AGBL1: variants seen among roughly 807,000 people sequenced by gnomAD.
AGBL1 encodes AGBL carboxypeptidase 1.
In AGBL1, 130 loss-of-function variants were observed where a neutral mutation model predicts 118.9. The ratio of observed to expected loss-of-function variants is 1.09; its 90% CI spans 0.95 to 1.26. AGBL1 has a LOEUF of 1.26. AGBL1 is among the 50% of genes most tolerant of loss of function. AGBL1 has a pLI of 0.00. For missense variants in AGBL1, 1,584 were observed against 1,298.1 expected (o/e 1.22, Z -3.38); for synonymous variants, 555 against 478.9 (o/e 1.16, Z -2.08).
At chr15:86,812,320 C>T (rs1175962693) in intron 22 of AGBL1, among the ~76,000 whole-genome samples, 1 of 152,114 alleles carries the variant, frequency 6.6e-6, no homozygotes, top group Non-Finnish European at 1.5e-5. Context: ...TAGAATGATT[C>T]AGTCAAGCTA....
At chr15:86,401,002 G>A (rs1220143287) in intron 18 of AGBL1, among the ~76,000 whole-genome samples, 2 of 152,096 alleles carry the variant, frequency 1.3e-5, no homozygotes, top group Non-Finnish European at 2.9e-5. Context: ...GGATTGAATG[G>A]TAGTTCTACT....
chr15:86,845,011 A>G (rs1411354955), intron 22 of AGBL1, among the ~76,000 whole-genome samples: 1 of 152,100 alleles, frequency 6.6e-6, no homozygotes, highest in African/African-American at 2.4e-5. Flanking sequence ...ATATGTAAGA[A>G]TTTATTCTAA....
chr15:86,675,812 A>C (rs2085834904), intron 22 of AGBL1, among the ~76,000 whole-genome samples: 1 of 151,756 alleles, frequency 6.6e-6, no homozygotes, highest in South Asian at 2.1e-4. Context: ...CTGCTCATTG[A>C]GGGAAGATTG....
rs2082215120 is a variant in AGBL1 at position 86,453,040 on chromosome 15, G to A, written c.2555+55494G>A. Among the ~76,000 whole-genome samples the A allele has an allele frequency of 2.0e-5, 3 of 152,122 alleles. No homozygotes were observed. In the South Asian group the frequency reaches 6.2e-4, roughly 32 times the overall value. On this transcript the variant is annotated intron_variant, in intron 18 of 22. Coordinates refer to ENST00000614907, the MANE Select transcript of AGBL1 (RefSeq NM_001386094.1). Reference sequence around the variant, plus strand: ...TCATTTCCACTGCCCTTAGCCTTATGTTACACGATATATGTTCAGTGGTGT... The same window carrying A: ...TCATTTCCACTGCCCTTAGCCTTATATTACACGATATATGTTCAGTGGTGT...
intron 22 of AGBL1, among the ~76,000 whole-genome samples, chr15:86,802,761 A>G (rs2078667835): frequency 6.6e-6 from 1 of 152,124 alleles, no homozygotes; most frequent in South Asian, 2.1e-4. Context: ...GGTAAAGGTG[A>G]GCTATAAGTA....
intron 22 of AGBL1, among the ~76,000 whole-genome samples, chr15:86,703,532 A>C (rs1191688282): frequency 6.6e-6 from 1 of 152,176 alleles, no homozygotes; most frequent in Admixed American, 6.6e-5. Flanking sequence ...GATAAAATAA[A>C]TTCTTAGTGA....
Position 86,988,144 on chromosome 15 carries a change from A to G in AGBL1, c.3323+56A>G, listed in dbSNP as rs559837852. On this transcript the variant is annotated intron_variant, in intron 24 of 24. Coordinates refer to the AGBL1 transcript ENST00000441037. ...GCTTGGGGCGGGGATTGCTGGATGA[A>G]ATACCCTGCATGTGACTACATTGGG... The G allele has an allele frequency of 4.9e-5, 78 of 1,590,640 alleles. No individual in the cohort carries two copies. The East Asian group carries it at 1.6e-3, about 34-fold the overall frequency.
intron 21 of AGBL1, among the ~76,000 whole-genome samples, chr15:86,647,096 A>G (rs1296933585): frequency 6.6e-6 from 1 of 152,186 alleles, no homozygotes; most frequent in Non-Finnish European, 1.5e-5. Flanking sequence ...AAGTGTAGCA[A>G]ATTAATTGAT....
At chr15:86,249,013 T>C (rs1454507313) in intron 7 of AGBL1, among the ~76,000 whole-genome samples, 1 of 152,182 alleles carries the variant, frequency 6.6e-6, no homozygotes, top group Non-Finnish European at 1.5e-5. Flanking sequence ...TTTCTACTTA[T>C]CAGCACCCCA....
At chr15:86,884,432 A>G (rs183868606) in intron 22 of AGBL1, among the ~76,000 whole-genome samples, 114 of 152,370 alleles carry the variant, frequency 7.5e-4, no homozygotes, top group African/African-American at 2.5e-3. Flanking sequence ...TTGTTTTTGG[A>G]CCGAGGTTGA....
At chr15:86,205,010 A>G (rs2077968686) in intron 5 of AGBL1, among the ~76,000 whole-genome samples, 1 of 152,172 alleles carries the variant, frequency 6.6e-6, no homozygotes, top group Non-Finnish European at 1.5e-5. Context: ...ATATGAATCT[A>G]CCATTATAGT....
intron 23 of AGBL1, among the ~76,000 whole-genome samples, chr15:86,974,537 TA>T (rs1417538204): frequency 7.7e-6 from 1 of 129,562 alleles, no homozygotes; most frequent in African/African-American, 2.7e-5. Context: ...ATTAAATATA[TA>T]AAAATTATAT....
chr15:86,885,843 C>T (rs538981236), intron 22 of AGBL1, among the ~76,000 whole-genome samples: 43 of 152,134 alleles, frequency 2.8e-4, no homozygotes, highest in Non-Finnish European at 5.3e-4. Context: ...CTGTAAACTT[C>T]GAATCCCTGG....
intron 1 of AGBL1, among the ~76,000 whole-genome samples, chr15:86,130,508 A>G (rs1464389879): frequency 1.3e-5 from 2 of 152,170 alleles, no homozygotes; most frequent in Non-Finnish European, 2.9e-5. Context: ...TAAAATCATT[A>G]TGGAAAAATT....
intron 23 of AGBL1, among the ~76,000 whole-genome samples, chr15:86,966,012 A>C (rs72755680): frequency 0.046 from 6,956 of 152,076 alleles, 179 homozygotes; most frequent in Middle Eastern, 0.071. Flanking sequence ...TCATCATCAT[A>C]ATAATAATAA....
chr15:86,452,816 C>T (rs1363492223), intron 18 of AGBL1, among the ~76,000 whole-genome samples: 4 of 152,204 alleles, frequency 2.6e-5, no homozygotes, highest in Non-Finnish European at 4.4e-5. Flanking sequence ...CTTTCTGTGA[C>T]ACTGCAGTGT....
chr15:86,727,454 T>G (rs1375030651), intron 22 of AGBL1, among the ~76,000 whole-genome samples: 1 of 152,210 alleles, frequency 6.6e-6, no homozygotes, highest in African/African-American at 2.4e-5. Flanking sequence ...CTATGTTTTA[T>G]GGCCCTGACA....
At chr15:86,866,754 AG>A (rs1404221737) in intron 22 of AGBL1, among the ~76,000 whole-genome samples, 5 of 152,188 alleles carry the variant, frequency 3.3e-5, no homozygotes, top group Admixed American at 2.6e-4. Flanking sequence ...CTCAGGGCTG[AG>A]GCAGGAGAAT....
chr15:86,198,364 T>C (rs1273957902), intron 5 of AGBL1, among the ~76,000 whole-genome samples: 1 of 152,180 alleles, frequency 6.6e-6, no homozygotes, highest in Non-Finnish European at 1.5e-5. Context: ...AGACAATAAT[T>C]AGATGAGAAT....
Sources: allele counts gnomAD v4.1 joint callset (sites outside exome capture counted in the v4.1 genomes callset), GRCh38; gene constraint gnomAD v4.1.1; transcripts MANE v1.5; gene names NCBI Gene and HGNC (gene_info 2026-07-23, HGNC 2026-07-21).